The following ZNF461 variants were observed in gnomAD, a reference collection of about 807,000 sequenced individuals.
The protein encoded by ZNF461 is zinc finger protein 461.
In ZNF461, 16 loss-of-function variants were observed where a neutral mutation model predicts 18.3. That is an observed-to-expected ratio of 0.88 (90% CI 0.59 to 1.33). ZNF461 has a LOEUF of 1.33. Among genes scored for constraint, ZNF461 ranks in the 40% most tolerant of loss-of-function variants. ZNF461 has a pLI of 0.00. For synonymous variants in ZNF461, 179 were observed against 216.9 expected (o/e 0.83, Z 1.54); for missense variants, 595 against 669.9 (o/e 0.89, Z 1.23).
At chr19:36,656,568 A>G in intron 3 of ZNF461, 25 bp from the exon 4 acceptor site, 1 of 1,568,108 alleles carries the variant, frequency 6.4e-7, no homozygotes, top group Non-Finnish European at 8.8e-7. Context: ...AGAAATTGAG[A>G]TGAGATGGAA....
rs1192959956 is a variant in ZNF461 at position 36,639,006 on chromosome 19, C to T, written c.1339G>A (p.Gly447Arg). The T allele has an allele frequency of 1.2e-6, 2 of 1,613,968 alleles. No individual in the cohort carries two copies. The highest frequency in any genetic ancestry group is 1.3e-5 in the African/African-American group (1 of 74,902). Residue 447 changes from glycine (G) to arginine (R), a missense_variant, in exon 6 of 6, where the codon GGG (glycine) becomes AGG (arginine). Transcript: ENST00000588268. ...GEKPYECKEC[G>R]KTFRQCSHLK... ...TGTGAACACTGTCTAAAAGTCTTCC[C>T]ACATTCCTTACACTCATAGGGTTTC...
chr19:36,662,644 T>C (rs569130946), intron 2 of ZNF461, among the ~76,000 whole-genome samples: 7 of 152,350 alleles, frequency 4.6e-5, no homozygotes, highest in African/African-American at 1.4e-4. Flanking sequence ...TTTTAGATTA[T>C]ATTTCCTCTT....
At chr19:36,662,337 T>C (rs1410949270) in intron 2 of ZNF461, among the ~76,000 whole-genome samples, 1 of 151,940 alleles carries the variant, frequency 6.6e-6, no homozygotes, top group East Asian at 1.9e-4. Context: ...CTCACTGCAA[T>C]ATCCTCCCCG....
At chr19:36,647,728 C>A (rs934339370) in intron 4 of ZNF461, among the ~76,000 whole-genome samples, 2 of 152,066 alleles carry the variant, frequency 1.3e-5, no homozygotes, top group Non-Finnish European at 2.9e-5. Context: ...GGATATGTGT[C>A]CCCTCTAAAT....
chr19:36,664,801 A>G lies in ZNF461; in HGVS notation c.-80-15T>C. ...AGAAGGTGTTGCTGGGAGAGAGGGG[A>G]GTTAAAAAAAAGACAGGAGATTATT... On this transcript the variant is annotated splice_polypyrimidine_tract_variant and intron_variant, in intron 1 of 5. Coordinates refer to ENST00000588268, the MANE Select transcript of ZNF461 (RefSeq NM_153257.5). The G allele has an allele frequency of 1.0e-6, 1 of 992,628 alleles. No homozygotes were observed. Among genetic ancestry groups the G allele is most frequent in the Non-Finnish European group, 1.4e-6 (1 of 708,454 alleles). 61.5% of individuals were successfully genotyped at this position (992,628 alleles called of 1,614,324 possible). A position where few individuals can be genotyped will look rare whatever the true frequency, so the allele number is the denominator to read the frequency against.
At chr19:36,644,025 T>G (rs150335053) in intron 4 of ZNF461, among the ~76,000 whole-genome samples, 163 bp from the exon 5 acceptor site, 3,805 of 152,176 alleles carry the variant, frequency 0.025, 154 homozygotes, top group African/African-American at 0.086. Context: ...CCCCGCCTAC[T>G]GGGTTCAAGC....
chr19:36,642,403 T>C (rs1482058966), intron 5 of ZNF461, among the ~76,000 whole-genome samples: 1 of 152,148 alleles, frequency 6.6e-6, no homozygotes, highest in Non-Finnish European at 1.5e-5. Context: ...AGCTTGGGAC[T>C]GTAACAGCTG....
At position 36,637,710 on chromosome 19, in the gene ZNF461, A is replaced by C. The variant is rs2037323773; in HGVS notation, c.*943T>G. 11 of 297,134 alleles carry C rather than the reference A, an allele frequency of 3.7e-5. No homozygotes were observed. The highest frequency in any genetic ancestry group is 2.5e-4 in the South Asian group (9 of 36,074). 18.4% of individuals were successfully genotyped at this position (297,134 alleles called of 1,614,324 possible). A position where few individuals can be genotyped will look rare whatever the true frequency, so the allele number is the denominator to read the frequency against. The stretch of plus-strand genomic sequence containing the variant: ...AAAAAAAAAAAATGAAGTAGGCCAA[A>C]TGTGGACTAATAATGAGAATGTGTA... On this transcript the variant is annotated 3_prime_UTR_variant, in exon 6 of 6. Coordinates refer to ENST00000588268, the MANE Select transcript of ZNF461 (RefSeq NM_153257.5).
intron 5 of ZNF461, among the ~76,000 whole-genome samples, chr19:36,641,112 A>G (rs1213827457): frequency 6.6e-6 from 1 of 152,140 alleles, no homozygotes; most frequent in Admixed American, 6.5e-5. Context: ...AGCGGGCTTC[A>G]TTTCATCTAA....
In ZNF461 at chr19:36,643,862, C is replaced by A; in HGVS notation, c.233G>T (p.Gly78Val). Reference protein sequence around the residue: ...VREETGRWCPGTWKTWGFHNN... With the variant: ...VREETGRWCPVTWKTWGFHNN... ...GTGAAATCCCCAAGTTTTCCATGTA[C>A]CTACATGGAAACAAAAGAATAAATA... Residue 78 changes from glycine (G) to valine (V), a missense_variant and splice_region_variant, in exon 5 of 6, where the codon GGT (glycine) becomes GTT (valine). Gly to Val is a moderately radical substitution (Grantham distance 109). Transcript: ENST00000588268. The A allele has an allele frequency of 6.6e-7, 1 of 1,511,192 alleles. No individual in the cohort carries two copies. Among genetic ancestry groups the A allele is most frequent in the South Asian group, 1.3e-5 (1 of 79,098 alleles). 93.6% of individuals were successfully genotyped at this position (1,511,192 alleles called of 1,614,324 possible). A position where few individuals can be genotyped will look rare whatever the true frequency, so the allele number is the denominator to read the frequency against.
intron 4 of ZNF461, among the ~76,000 whole-genome samples, chr19:36,646,798 T>C (rs1258634321): frequency 7.4e-6 from 1 of 135,614 alleles, no homozygotes; most frequent in Non-Finnish European, 1.6e-5. Context: ...CTTTTCACAA[T>C]AACTATTTTC....
intron 4 of ZNF461, among the ~76,000 whole-genome samples, chr19:36,654,189 A>G (rs1385754264): frequency 1.3e-5 from 2 of 152,152 alleles, no homozygotes; most frequent in African/African-American, 4.8e-5. Context: ...GAAAAGGCCT[A>G]CCCAGGTATA....
chr19:36,655,895 C>T lies in ZNF461; in HGVS notation c.232+553G>A, dbSNP rs1211309153. On this transcript the variant is annotated intron_variant, in intron 4 of 5. Transcript: ENST00000588268. ...CTGTATTCCTTTGCCTGTGGATAAT[C>T]CAATTTTCTCCATGGAAGTGTTGGC... is the stretch of plus-strand genomic sequence containing the variant. 2.0e-5 allele frequency among the ~76,000 whole-genome samples: 3 copies of T among 152,138 alleles called. No individual in the cohort carries two copies. The East Asian group carries it at 5.8e-4, about 29-fold the overall frequency.
Position 36,638,494 on chromosome 19 carries a change from A to T in ZNF461, c.*159T>A. 1.7e-6 allele frequency: 1 copy of T among 582,640 alleles called. No individual in the cohort carries two copies. The highest frequency in any genetic ancestry group is 2.8e-6 in the Non-Finnish European group (1 of 351,502). 36.1% of individuals were successfully genotyped at this position (582,640 alleles called of 1,614,324 possible). A position where few individuals can be genotyped will look rare whatever the true frequency, so the allele number is the denominator to read the frequency against. On this transcript the variant is annotated 3_prime_UTR_variant, in exon 6 of 6. Coordinates refer to ENST00000588268, the MANE Select transcript of ZNF461 (RefSeq NM_153257.5). ...AATACAATAACTCAGAAACAGCATT[A>T]AAATGAGACCAAAATTTACACTTTA... is the stretch of plus-strand genomic sequence containing the variant.
Position 36,638,456 on chromosome 19 carries a change from C to A in ZNF461, c.*197G>T. The A allele has an allele frequency of 2.5e-6, 1 of 399,074 alleles. No individual in the cohort carries two copies. The highest frequency in any genetic ancestry group is 4.4e-6 in the Non-Finnish European group (1 of 228,234). The allele number at this position is 399,074 out of a possible 1,614,324, so 24.7% of individuals were successfully genotyped here. On this transcript the variant is annotated 3_prime_UTR_variant, in exon 6 of 6. Transcript: ENST00000588268. The stretch of plus-strand genomic sequence containing the variant: ...TTTATTCTCAATAAAAAAATTTATT[C>A]TCAATAATGGTTAATACAATAACTC...
At chr19:36,662,278 A>T (rs1028891721) in intron 2 of ZNF461, among the ~76,000 whole-genome samples, 1 of 151,260 alleles carries the variant, frequency 6.6e-6, no homozygotes, top group African/African-American at 2.4e-5. Context: ...TTTTTTTGAG[A>T]TGGAGTCCTG....
At chr19:36,660,895 T>A (rs537437360) in intron 2 of ZNF461, among the ~76,000 whole-genome samples, 1 of 152,296 alleles carries the variant, frequency 6.6e-6, no homozygotes, top group South Asian at 2.1e-4. Flanking sequence ...CATTTAATAC[T>A]TTCTTTAAAA....
chr19:36,659,010 T>C (rs909704871), intron 2 of ZNF461, among the ~76,000 whole-genome samples: 3 of 152,182 alleles, frequency 2.0e-5, no homozygotes, highest in African/African-American at 7.2e-5. Flanking sequence ...TTATTCAACC[T>C]ATAGAATACG....
At chr19:36,646,096 TTTG>T (rs765946582) in intron 4 of ZNF461, among the ~76,000 whole-genome samples, 1 of 121,316 alleles carries the variant, frequency 8.2e-6, no homozygotes, top group Non-Finnish European at 1.7e-5. Context: ...TTTTGACTAT[TTTG>T]TTGTTGTTGT....
Sources: allele counts gnomAD v4.1 joint callset (sites outside exome capture counted in the v4.1 genomes callset), GRCh38; gene constraint gnomAD v4.1.1; transcripts MANE v1.5; gene names NCBI Gene and HGNC (gene_info 2026-07-23, HGNC 2026-07-21).